The following RBM22 variants were observed in gnomAD, a reference collection of about 807,000 sequenced individuals.
RBM22 encodes the protein RNA binding motif protein 22, also known as pre-mRNA-splicing factor RBM22.
Under a neutral mutation model 50.1 loss-of-function variants are expected in RBM22, and 1 was observed. That is an observed-to-expected ratio of 0.02 (90% CI 0.01 to 0.09). RBM22 has a LOEUF of 0.09. RBM22 is among the 10% of genes least tolerant of loss of function. RBM22 has a pLI of 1.00. For missense variants in RBM22, 264 were observed against 529.3 expected, an observed-to-expected ratio of 0.50 and a Z score of 4.92; for synonymous variants, 152 against 179.0, an observed-to-expected ratio of 0.85 and a Z score of 1.20.
intron 10 of RBM22, 71 bp downstream of exon 10, chr5:150,692,824 A>G: frequency 1.4e-6 from 2 of 1,433,978 alleles, no homozygotes; most frequent in African/African-American, 1.4e-5. Context: ...TGTGTTGAAC[A>G]TGATGGTGAG....
intron 10 of RBM22, among the ~76,000 whole-genome samples, 183 bp downstream of exon 10, chr5:150,692,712 C>G (rs1193123710): frequency 6.6e-6 from 1 of 152,102 alleles, no homozygotes; most frequent in African/African-American, 2.4e-5. Flanking sequence ...AAAACTGGCC[C>G]CTTTCTTCTC....
At chr5:150,700,671 C>G in intron 1 of RBM22, 174 bp from the exon 2 acceptor site, 1 of 1,525,128 alleles carries the variant, frequency 6.6e-7, no homozygotes, top group Non-Finnish European at 8.8e-7. Context: ...TTCCGGCAGG[C>G]GGCGGGAGAA....
intron 8 of RBM22, 108 bp from the exon 9 acceptor site, chr5:150,693,415 A>C: frequency 1.2e-6 from 1 of 815,070 alleles, no homozygotes; most frequent in Non-Finnish European, 2.0e-6. Flanking sequence ...CCTCCTCCTC[A>C]GCACACACTC....
chr5:150,691,570 C>T lies in RBM22; in HGVS notation c.*181G>A, dbSNP rs140724583. On this transcript the variant is annotated 3_prime_UTR_variant, in exon 11 of 11. Coordinates refer to ENST00000199814, the MANE Select transcript of RBM22 (RefSeq NM_018047.3). ...AGATGTGTTAATGGCAGCTTATTTA[C>T]GGTCCATCGATCCTTTGAACAAGTA... 1,239 of 673,168 alleles carry T rather than the reference C, an allele frequency of 1.8e-3. 10 individuals are homozygous for T. The African/African-American group carries it at 0.02, about 11-fold the overall frequency. 41.7% of individuals were successfully genotyped at this position (673,168 alleles called of 1,614,324 possible).
intron 1 of RBM22, 140 bp from the exon 2 acceptor site, chr5:150,700,637 C>G (rs766694361): frequency 6.5e-7 from 1 of 1,536,176 alleles, no homozygotes; most frequent in South Asian, 1.2e-5. Context: ...ACGACCCGAT[C>G]GCGGGAGGGG....
chr5:150,694,926 A>G (rs1470111393), intron 7 of RBM22: 1 of 153,400 alleles, frequency 6.5e-6, no homozygotes, highest in Non-Finnish European at 1.5e-5. Flanking sequence ...CCTCCTCTAC[A>G]TAATTCATCA....
chr5:150,697,444 A>G (rs964022927), intron 4 of RBM22, among the ~76,000 whole-genome samples: 2 of 152,154 alleles, frequency 1.3e-5, no homozygotes, highest in African/African-American at 4.8e-5. Flanking sequence ...AAAAATTATA[A>G]AAGAAAATTT....
In RBM22 at chr5:150,693,088, C is replaced by T. The variant is rs191471566; in HGVS notation, c.1001-62G>A. The T allele has an allele frequency of 2.8e-5, 44 of 1,560,182 alleles. No homozygotes were observed. The African/African-American group carries it at 5.4e-4, about 19-fold the overall frequency. ...AACAATTGTGCAACGCTGTTTCTAC[C>T]ACCTTTACATTCTCAGAGGTCCTAC... On this transcript the variant is annotated intron_variant, in intron 9 of 10. Transcript: ENST00000199814.
chr5:150,692,777 T>C (rs1360255052), intron 10 of RBM22, 118 bp downstream of exon 10: 2 of 1,169,370 alleles, frequency 1.7e-6, no homozygotes, highest in Non-Finnish European at 2.4e-6. Context: ...TCAACTTTAC[T>C]GGTAGACTTC....
chr5:150,695,731 C>A, intron 6 of RBM22, 25 bp from the exon 7 acceptor site: 1 of 1,564,360 alleles, frequency 6.4e-7, no homozygotes, highest in South Asian at 1.1e-5. Flanking sequence ...AAAAACAAGG[C>A]ATAAAGGTGA....
intron 6 of RBM22, among the ~76,000 whole-genome samples, chr5:150,695,954 T>A (rs1265269346): frequency 6.8e-6 from 1 of 146,412 alleles, no homozygotes; most frequent in East Asian, 2.0e-4. Context: ...ACTTTCCTTA[T>A]AAATAAATAC....
At position 150,701,012 on chromosome 5, in the gene RBM22, G is replaced by C. The variant is rs369105314; in HGVS notation, c.-27C>G. 134 of 1,614,008 alleles carry C rather than the reference G, an allele frequency of 8.3e-5. No homozygotes were observed. The highest frequency in any genetic ancestry group is 1.1e-4 in the Non-Finnish European group (130 of 1,179,992). On this transcript the variant is annotated 5_prime_UTR_variant, in exon 1 of 11. Coordinates refer to ENST00000199814, the MANE Select transcript of RBM22 (RefSeq NM_018047.3). ...TTGAGAGCGTCCGGAGGTAGCTGTA[G>C]CTTCCGAATTGGGAGAGAGGACCGC...
rs765542852 is a variant in RBM22 at position 150,693,181 on chromosome 5, G to C, written c.1000+38C>G. The C allele has an allele frequency of 2.1e-5, 33 of 1,587,004 alleles. No homozygotes were observed. In the Middle Eastern group the frequency reaches 6.7e-4, roughly 32 times the overall value. On this transcript the variant is annotated intron_variant, in intron 9 of 10. Transcript: ENST00000199814. ...CTTCCAAAATAGGAACATCAGGGCA[G>C]AAAGAGCTTCTGAAGTCAGCAGGGA...
Position 150,693,683 on chromosome 5 carries a change from T to C in RBM22, c.912-376A>G, listed in dbSNP as rs189013828. ...CACCTGTGTCTCTCTTATGCAATCA[T>C]CACTTTTAAACTTAAAATAGCGATT... On this transcript the variant is annotated intron_variant, in intron 8 of 10. Transcript: ENST00000199814. Among the ~76,000 whole-genome samples the C allele has an allele frequency of 4.4e-4, 67 of 152,354 alleles. 1 individual carries two copies. The highest frequency in any genetic ancestry group is 1.6e-3 in the African/African-American group (66 of 41,590).
intron 2 of RBM22, 148 bp from the exon 3 acceptor site, chr5:150,699,419 C>G: frequency 1.8e-6 from 2 of 1,116,378 alleles, no homozygotes; most frequent in South Asian, 3.6e-5. Flanking sequence ...AAACCCAAAA[C>G]CCAACCTTTT....
At chr5:150,694,352 G>T in intron 7 of RBM22, 112 bp from the exon 8 acceptor site, 2 of 1,435,172 alleles carry the variant, frequency 1.4e-6, no homozygotes, top group South Asian at 1.5e-5. Flanking sequence ...TGGGCCCCAA[G>T]GTTATCTGCC....
intron 8 of RBM22, among the ~76,000 whole-genome samples, chr5:150,693,536 A>G (rs994057052): frequency 6.6e-6 from 1 of 152,212 alleles, no homozygotes; most frequent in African/African-American, 2.4e-5. Flanking sequence ...AAAAGGCAAC[A>G]CATACGTGTT....
At chr5:150,700,337 T>C in intron 2 of RBM22, 107 bp downstream of exon 2, 2 of 1,151,512 alleles carry the variant, frequency 1.7e-6, no homozygotes, top group Non-Finnish European at 2.5e-6. Flanking sequence ...TTCGCGTTAG[T>C]AAAAGAGCAT....
chr5:150,695,812 T>A (rs1759269296), intron 6 of RBM22, 106 bp from the exon 7 acceptor site: 1 of 919,262 alleles, frequency 1.1e-6, no homozygotes, highest in African/African-American at 1.7e-5. Context: ...TATTCTGAAG[T>A]GCCTTTTGAA....
Sources: gnomAD v4.1 joint callset for allele counts (sites outside exome capture counted in the v4.1 genomes callset) on GRCh38, gnomAD v4.1.1 for gene constraint, MANE v1.5 for transcripts, NCBI Gene and HGNC (gene_info 2026-07-23, HGNC 2026-07-21) for gene names.